CEP44: variants seen among roughly 807,000 people sequenced by gnomAD.
The protein encoded by CEP44 is centrosomal protein 44.
In CEP44, 45 loss-of-function variants were observed where a neutral mutation model predicts 46.7. That is an observed-to-expected ratio of 0.96 (90% CI 0.76 to 1.24). CEP44 has a LOEUF of 1.24. Ranked by LOEUF, CEP44 falls within the 50% of genes most tolerant of loss-of-function variation. The pLI is 0.00. For synonymous variants in CEP44, 142 were observed against 146.0 expected (o/e 0.97, Z 0.20); for missense variants, 475 against 459.7 (o/e 1.03, Z -0.30).
intron 1 of CEP44, among the ~76,000 whole-genome samples, chr4:174,292,839 T>A (rs1164935184): frequency 6.6e-6 from 1 of 152,222 alleles, no homozygotes; most frequent in Non-Finnish European, 1.5e-5. Flanking sequence ...GAGCTTAAGA[T>A]GATTATTTTG....
chr4:174,315,417 A>T (rs1741556789), intron 9 of CEP44, among the ~76,000 whole-genome samples: 1 of 152,108 alleles, frequency 6.6e-6, no homozygotes, highest in Non-Finnish European at 1.5e-5. Flanking sequence ...TTTTTTAGAA[A>T]AAGAAATCTG....
chr4:174,300,142 C>T (rs930087932), intron 3 of CEP44, among the ~76,000 whole-genome samples: 1 of 152,052 alleles, frequency 6.6e-6, no homozygotes, highest in Non-Finnish European at 1.5e-5. Context: ...AAGTAGAATC[C>T]TTCAGTAATG....
Position 174,299,096 on chromosome 4 carries a change from A to G in CEP44, c.-26A>G. On this transcript the variant is annotated 5_prime_UTR_variant, in exon 3 of 12. Coordinates refer to ENST00000503780, the MANE Select transcript of CEP44 (RefSeq NM_001040157.3). ...GGTGAAAAATTAGACGATTTCAAGA[A>G]TTGGAGCTGAATCTGATGTTAAGTA... 8 of 1,590,998 alleles carry G rather than the reference A, an allele frequency of 5.0e-6. No homozygotes were observed. The highest frequency in any genetic ancestry group is 6.9e-6 in the Non-Finnish European group (8 of 1,163,736).
chr4:174,297,238 T>A lies in CEP44; in HGVS notation c.-147-728T>A, dbSNP rs183077084. ...ATTCTTGTTTTAGGTTTTAATTTTTTTTTCTAATCTCATTGAGAATTGAAA... is the reference window on the plus strand; with the variant it reads ...ATTCTTGTTTTAGGTTTTAATTTTTATTTCTAATCTCATTGAGAATTGAAA... On this transcript the variant is annotated intron_variant, in intron 1 of 11. Coordinates refer to ENST00000503780, the MANE Select transcript of CEP44 (RefSeq NM_001040157.3). This position sits in a 1 kb window ranked among gnomAD's most constrained non-coding sequence, Gnocchi z 4.3. Among the ~76,000 whole-genome samples the A allele has an allele frequency of 1.3e-5, 2 of 152,208 alleles. No homozygotes were observed. The highest frequency in any genetic ancestry group is 4.8e-5 in the African/African-American group (2 of 41,536).
chr4:174,313,501 A>G (rs1323684713), intron 9 of CEP44, among the ~76,000 whole-genome samples: 1 of 152,148 alleles, frequency 6.6e-6, no homozygotes, highest in African/African-American at 2.4e-5. Flanking sequence ...AGATCAAGTC[A>G]TGGAGTTTAT....
chr4:174,302,095 C>T lies in CEP44; in HGVS notation c.146C>T (p.Ser49Leu), dbSNP rs543619406. ...SLPIISYSFT[S>L]YSPYVTELIM... ...CCCATCATCAGCTATTCTTTTACCT[C>T]ATACTCACCTTATGTAACAGAACTT... The change falls in exon 4 of 12, where the codon TCA (serine) becomes TTA (leucine). Residue 49 changes from serine (S) to leucine (L), a missense_variant. Transcript: ENST00000503780. 1.9e-5 allele frequency: 30 copies of T among 1,612,328 alleles called. No homozygotes were observed. In the South Asian group the frequency reaches 2.9e-4, roughly 15 times the overall value.
At chr4:174,315,051 G>A (rs1034753374) in intron 9 of CEP44, among the ~76,000 whole-genome samples, 1 of 152,186 alleles carries the variant, frequency 6.6e-6, no homozygotes. Flanking sequence ...CTACAGAGAA[G>A]AGCTGAGGGA....
intron 3 of CEP44, among the ~76,000 whole-genome samples, chr4:174,299,995 T>C (rs1739527047): frequency 6.6e-6 from 1 of 152,164 alleles, no homozygotes; most frequent in South Asian, 2.1e-4. Flanking sequence ...TTGGACTTTG[T>C]TTTTTGTTTT....
At position 174,299,416 on chromosome 4, in the gene CEP44, T is replaced by C. The variant is rs1034271613; in HGVS notation, c.89+206T>C. ...AATGAAGAATTCCAACTTAAAAGAT[T>C]TAAAACTGTTTAGAAGCACAGTATT... On this transcript the variant is annotated intron_variant, in intron 3 of 11. Transcript: ENST00000503780. 3.9e-5 allele frequency among the ~76,000 whole-genome samples: 6 copies of C among 152,318 alleles called. No individual in the cohort carries two copies. The South Asian group carries it at 1.2e-3, about 32-fold the overall frequency.
chr4:174,310,205 A>G lies in CEP44; in HGVS notation c.885+149A>G, dbSNP rs1740920433. On this transcript the variant is annotated intron_variant, in intron 8 of 11. Transcript: ENST00000503780. The surrounding 1 kb of genome is among the most constrained non-coding windows in gnomAD (Gnocchi z 4.2). ...AGTTAGAATGAAGTCCTGTTTAAATATAGCCTGTATGTTGTTGTGGCTGTT... is the reference window on the plus strand; with the variant it reads ...AGTTAGAATGAAGTCCTGTTTAAATGTAGCCTGTATGTTGTTGTGGCTGTT... The G allele has an allele frequency of 1.4e-6, 1 of 711,728 alleles. No homozygotes were observed. The highest frequency in any genetic ancestry group is 2.8e-5 in the East Asian group (1 of 36,152). 44.1% of individuals were successfully genotyped at this position (711,728 alleles called of 1,614,324 possible).
chr4:174,304,590 A>G (rs1740168545), intron 6 of CEP44, among the ~76,000 whole-genome samples: 2 of 152,232 alleles, frequency 1.3e-5, no homozygotes, highest in African/African-American at 4.8e-5. Context: ...TTATATTTCT[A>G]ATTTCTAATT....
At position 174,316,251 on chromosome 4, in the gene CEP44, C is replaced by T. The variant is rs1741698806; in HGVS notation, c.1047C>T (p.Ala349=). Residue 349 remains alanine, a synonymous_variant, in exon 10 of 12, where the codon GCC becomes GCT. Transcript: ENST00000503780. Reference sequence around the variant, plus strand: ...CATCATCAGATTCAACTCCCAGAGCCTCTACTGTTAATTACTGTGGTTTGA... The same window carrying T: ...CATCATCAGATTCAACTCCCAGAGCTTCTACTGTTAATTACTGTGGTTTGA... ...STASSDSTPR[A]STVNYCGLNE... 6.2e-7 allele frequency: 1 copy of T among 1,611,702 alleles called. No homozygotes were observed. The highest frequency in any genetic ancestry group is 1.1e-5 in the South Asian group (1 of 91,030).
Position 174,301,953 on chromosome 4 carries a change from T to A in CEP44, c.90-86T>A. On this transcript the variant is annotated intron_variant, in intron 3 of 11. Transcript: ENST00000503780. The surrounding 1 kb of genome is among the most constrained non-coding windows in gnomAD (Gnocchi z 4.3). ...GTTAAGTTTTAAATTATTATAAACA[T>A]TTCTAATATTTTCTTGATTATCCAA... The A allele has an allele frequency of 8.7e-7, 1 of 1,154,536 alleles. No homozygotes were observed. Among genetic ancestry groups the A allele is most frequent in the East Asian group, 2.6e-5 (1 of 38,398 alleles). 71.5% of individuals were successfully genotyped at this position (1,154,536 alleles called of 1,614,324 possible).
rs1579166726 is a variant in CEP44, at chr4:174,320,151, G to A, written c.*2768G>A. On this transcript the variant is annotated 3_prime_UTR_variant, in exon 12 of 12. Coordinates refer to ENST00000503780, the MANE Select transcript of CEP44 (RefSeq NM_001040157.3). ...TGGAAATACTATAAAGAATACATAA[G>A]GTAAAATACTAGTCAGAAAGGGTTC... 1.0e-6 allele frequency: 1 copy of A among 984,644 alleles called. No individual in the cohort carries two copies. The allele number at this position is 984,644 out of a possible 1,614,324, so 61.0% of individuals were successfully genotyped here.
rs115011550 is a variant in CEP44 at position 174,310,362 on chromosome 4, T to A, written c.885+306T>A. ...ATGAAAAGCTTAAAATTATTTTATA[T>A]CTTTTAATAGTACAAATAACCTATT... On this transcript the variant is annotated intron_variant, in intron 8 of 11. Transcript: ENST00000503780. The surrounding 1 kb of genome is among the most constrained non-coding windows in gnomAD (Gnocchi z 4.2). Among the ~76,000 whole-genome samples, 1,452 of 152,106 alleles carry A rather than the reference T, an allele frequency of 9.5e-3. 19 individuals are homozygous for A. The highest frequency in any genetic ancestry group is 0.032 in the African/African-American group (1,329 of 41,546).
At chr4:174,303,404 T>G (rs953552616) in intron 4 of CEP44, among the ~76,000 whole-genome samples, 4 of 152,328 alleles carry the variant, frequency 2.6e-5, no homozygotes, top group Middle Eastern at 3.4e-3. Context: ...TAAGAAGTTT[T>G]TCTAATATCT....
Position 174,325,633 on chromosome 4 carries a change from T to A in CEP44, c.1087-5849T>A, listed in dbSNP as rs1371767322. On this transcript the variant is annotated intron_variant, in intron 8 of 8. Transcript: ENST00000426172. This position sits in a 1 kb window ranked among gnomAD's most constrained non-coding sequence, Gnocchi z 4.4. Reference sequence around the variant, plus strand: ...ATATATCACTGCACTCCAGCCTGGGTGACAGAGCAAGACCCTGTCTCTAAA... The same window carrying A: ...ATATATCACTGCACTCCAGCCTGGGAGACAGAGCAAGACCCTGTCTCTAAA... 1.3e-5 allele frequency among the ~76,000 whole-genome samples: 2 copies of A among 152,124 alleles called. No individual in the cohort carries two copies. Among genetic ancestry groups the A allele is most frequent in the African/African-American group, 4.8e-5 (2 of 41,438 alleles).
chr4:174,322,924 C>G (rs1049788459), downstream of CEP44, among the ~76,000 whole-genome samples: 1 of 151,960 alleles, frequency 6.6e-6, no homozygotes, highest in African/African-American at 2.4e-5. Context: ...ACTTTAAGCA[C>G]TGATATTTTT....
Position 174,317,400 on chromosome 4 carries a change from T to A in CEP44, c.*17T>A. 7.1e-7 allele frequency: 1 copy of A among 1,412,638 alleles called. No homozygotes were observed. Among genetic ancestry groups the A allele is most frequent in the Admixed American group, 2.2e-5 (1 of 44,802 alleles). 87.5% of individuals were successfully genotyped at this position (1,412,638 alleles called of 1,614,324 possible). On this transcript the variant is annotated 3_prime_UTR_variant, in exon 12 of 12. Transcript: ENST00000503780. ...TACTTGTAGGATTTTCTACATGAAC[T>A]TTTTTCTAGGACTTTGGTTACTATA...
Sources: allele counts gnomAD v4.1 joint callset (sites outside exome capture counted in the v4.1 genomes callset), GRCh38; gene constraint gnomAD v4.1.1; non-coding constraint Gnocchi (gnomAD v3.1); transcripts MANE v1.5; gene names NCBI Gene and HGNC (gene_info 2026-07-23, HGNC 2026-07-21).